The following CDNF variants were observed in gnomAD, a reference collection of about 807,000 sequenced individuals.
CDNF encodes cerebral dopamine neurotrophic factor, also known as ARMET-like protein 1.
In CDNF, 9 loss-of-function variants were observed where a neutral mutation model predicts 14.8. That is an observed-to-expected ratio of 0.61 (90% CI 0.37 to 1.06). The LOEUF (loss-of-function observed/expected upper bound fraction) is 1.06. Among genes scored for constraint, CDNF ranks in the 50% least tolerant of loss-of-function variants. CDNF has a pLI of 0.01. For synonymous variants in CDNF, 86 were observed against 87.2 expected, an observed-to-expected ratio of 0.99 and a Z score of 0.07; for missense variants, 228 against 228.4, an observed-to-expected ratio of 1.00 and a Z score of 0.01.
At chr10:14,820,524 C>T (rs576531323) in intron 3 of CDNF, among the ~76,000 whole-genome samples, 4 of 151,866 alleles carry the variant, frequency 2.6e-5, no homozygotes, top group South Asian at 2.1e-4. Context: ...GTCAGGAATT[C>T]GAGACCAGCC....
chr10:14,826,196 G>GC, intron 2 of CDNF, among the ~76,000 whole-genome samples: 1 of 130,054 alleles, frequency 7.7e-6, no homozygotes, highest in Admixed American at 8.0e-5. Flanking sequence ...AGAAGCAGCA[G>GC]AAGAAGAAGA....
chr10:14,832,941 C>A (rs1286782026), intron 1 of CDNF, among the ~76,000 whole-genome samples: 5 of 147,484 alleles, frequency 3.4e-5, no homozygotes, highest in African/African-American at 1.3e-4. Flanking sequence ...CTCACTGCAA[C>A]CTCCAACTCC....
At chr10:14,820,912 T>A (rs896592638) in intron 3 of CDNF, among the ~76,000 whole-genome samples, 3 of 151,746 alleles carry the variant, frequency 2.0e-5, no homozygotes, top group African/African-American at 4.8e-5. Flanking sequence ...AGTGAGTGAG[T>A]TCATGAGGGA....
In CDNF at chr10:14,828,135, T is replaced by C. The variant is rs950777428; in HGVS notation, c.243+10A>G. On this transcript the variant is annotated intron_variant, in intron 2 of 3. Coordinates refer to ENST00000465530, the MANE Select transcript of CDNF (RefSeq NM_001029954.3). ...CACATGGGGAAAATGAAAGGTGAAA[T>C]TTACTATACCAGGCGGTTTTCTTTT... The C allele has an allele frequency of 1.2e-6, 2 of 1,612,410 alleles. No homozygotes were observed. The highest frequency in any genetic ancestry group is 1.3e-5 in the African/African-American group (1 of 74,842).
At chr10:14,832,048 G>A (rs763089924) in intron 1 of CDNF, among the ~76,000 whole-genome samples, 13 of 152,128 alleles carry the variant, frequency 8.5e-5, no homozygotes, top group African/African-American at 1.4e-4. Context: ...AGTTACATCC[G>A]ATAGAAGTAA....
rs1309417459 is a variant in CDNF, at chr10:14,837,916, C to A, written c.31G>T (p.Ala11Ser). The A allele has an allele frequency of 1.9e-6, 3 of 1,606,310 alleles. No homozygotes were observed. Among genetic ancestry groups the A allele is most frequent in the Admixed American group, 1.7e-5 (1 of 59,490 alleles). Residue 11 changes from alanine (A) to serine (S), a missense_variant, in exon 1 of 4, where the codon GCC becomes TCC. By Grantham distance (99) the Ala-to-Ser change is moderately conservative (BLOSUM62 1). Transcript: ENST00000465530. MWCASPVAVV[A>S]FCAGLLVSHP... The stretch of plus-strand genomic sequence containing the variant: ...GAGACCAAAAGCCCGGCGCAAAAGG[C>A]CACCACAGCAACTGGGCTCGCGCAC...
chr10:14,831,567 C>CATAT (rs538217592), intron 1 of CDNF, among the ~76,000 whole-genome samples: 10 of 145,736 alleles, frequency 6.9e-5, no homozygotes, highest in Non-Finnish European at 9.1e-5. Flanking sequence ...CACACACACA[C>CATAT]ATATATATAT....
At chr10:14,836,987 C>G (rs1304133110) in intron 1 of CDNF, among the ~76,000 whole-genome samples, 1 of 152,064 alleles carries the variant, frequency 6.6e-6, no homozygotes, top group South Asian at 2.1e-4. Context: ...AACTTTAGTA[C>G]GACTATACCC....
chr10:14,830,799 T>C (rs1168018522), intron 1 of CDNF, among the ~76,000 whole-genome samples: 1 of 150,880 alleles, frequency 6.6e-6, no homozygotes, highest in Non-Finnish European at 1.5e-5. Flanking sequence ...TGAGCCGAGA[T>C]CACACCATTA....
chr10:14,819,733 T>A lies in CDNF; in HGVS notation c.*247A>T, dbSNP rs1833721398. ...CTTTTAGGAGACAGGCAATGAAAACTGGCATAGTCATTCCAAGAAACTTAT... is the reference window on the plus strand; with the variant it reads ...CTTTTAGGAGACAGGCAATGAAAACAGGCATAGTCATTCCAAGAAACTTAT... On this transcript the variant is annotated 3_prime_UTR_variant, in exon 4 of 4. Transcript: ENST00000465530. 2 of 355,012 alleles carry A rather than the reference T, an allele frequency of 5.6e-6. No homozygotes were observed. Among genetic ancestry groups the A allele is most frequent in the Non-Finnish European group, 5.0e-6 (1 of 198,804 alleles). 22.0% of individuals were successfully genotyped at this position (355,012 alleles called of 1,614,324 possible). A position where few individuals can be genotyped will look rare whatever the true frequency, so the allele number is the denominator to read the frequency against.
At chr10:14,824,186 G>A (rs2131622242) in intron 3 of CDNF, among the ~76,000 whole-genome samples, 1 of 152,324 alleles carries the variant, frequency 6.6e-6, no homozygotes, top group East Asian at 1.9e-4. Context: ...AGGATAGGCT[G>A]AGGAAGGAAT....
intron 2 of CDNF, among the ~76,000 whole-genome samples, chr10:14,826,504 AAGAAGCAGC>A (rs1390849610): frequency 4.0e-4 from 60 of 149,332 alleles, no homozygotes; most frequent in East Asian, 1.2e-3. Flanking sequence ...GAAGAAGAAA[AAGAAGCAGC>A]AGAAGCAGCA....
At chr10:14,830,018 A>AT in intron 1 of CDNF, among the ~76,000 whole-genome samples, 1 of 152,248 alleles carries the variant, frequency 6.6e-6, no homozygotes, top group South Asian at 2.1e-4. Flanking sequence ...CACGATACTC[A>AT]TACGTCTCAA....
intron 2 of CDNF, 131 bp from the exon 3 acceptor site, chr10:14,825,751 C>T (rs527835025): frequency 1.2e-5 from 12 of 960,646 alleles, no homozygotes; most frequent in Middle Eastern, 3.0e-4. Flanking sequence ...GTAATCCCAG[C>T]ACTTTGGGAG....
chr10:14,825,614 A>C lies in CDNF; in HGVS notation c.250T>G (p.Tyr84Asp). 1 of 1,613,816 alleles carries C rather than the reference A, an allele frequency of 6.2e-7. No individual in the cohort carries two copies. Among genetic ancestry groups the C allele is most frequent in the Non-Finnish European group, 8.5e-7 (1 of 1,179,876 alleles). The change falls in exon 3 of 4, where the codon TAT (tyrosine) becomes GAT (aspartate). Residue 84 changes from tyrosine to aspartate, a missense_variant. Transcript: ENST00000465530. Reference protein sequence around the residue: ...TKGKENRLCYYLGATKDAATK... With the variant: ...TKGKENRLCYDLGATKDAATK... ...GCTGCGTCTTTTGTGGCTCCTAGATAATAGCACTGAAGGAAAATGAAGAGA... is the reference window on the plus strand; with the variant it reads ...GCTGCGTCTTTTGTGGCTCCTAGATCATAGCACTGAAGGAAAATGAAGAGA...
chr10:14,826,357 A>G (rs1833792384), intron 2 of CDNF, among the ~76,000 whole-genome samples: 1 of 151,168 alleles, frequency 6.6e-6, no homozygotes, highest in African/African-American at 2.4e-5. Flanking sequence ...CAGAAGCAGC[A>G]GAAGCAGAAG....
intron 3 of CDNF, among the ~76,000 whole-genome samples, chr10:14,820,907 G>A (rs1230285252): frequency 6.6e-6 from 1 of 151,936 alleles, no homozygotes; most frequent in African/African-American, 2.4e-5. Context: ...ATGATAGTGA[G>A]TGAGTTCATG....
intron 2 of CDNF, among the ~76,000 whole-genome samples, chr10:14,826,095 A>AAGAAGAAGAAGAAGAAGAAGAAGAAGC (rs1426555042): frequency 4.6e-5 from 4 of 87,616 alleles, no homozygotes; most frequent in South Asian, 3.7e-4. Flanking sequence ...GAAGAAGAAG[A>AAGAAGAAGAAGAAGAAGAAGAAGAAGC]AGCAGCAGCA....
At chr10:14,827,434 A>T (rs1833808419) in intron 2 of CDNF, among the ~76,000 whole-genome samples, 1 of 152,162 alleles carries the variant, frequency 6.6e-6, no homozygotes, top group Non-Finnish European at 1.5e-5. Flanking sequence ...CACCATATTA[A>T]TGTGATTAGA....
Sources: gnomAD v4.1 joint callset for allele counts (sites outside exome capture counted in the v4.1 genomes callset) on GRCh38, gnomAD v4.1.1 for gene constraint, MANE v1.5 for transcripts, NCBI Gene and HGNC (gene_info 2026-07-23, HGNC 2026-07-21) for gene names.